FRMD8: variants seen among roughly 807,000 people sequenced by gnomAD.
FRMD8 encodes FERM domain-containing protein 8.
In FRMD8, 37 loss-of-function variants were observed where a neutral mutation model predicts 54.2. The observed-to-expected ratio is 0.68, with a 90% confidence interval of 0.53 to 0.90. The LOEUF is 0.90. Among genes scored for constraint, FRMD8 ranks in the 40% least tolerant of loss-of-function variants. The pLI is 0.00. For missense variants in FRMD8, 585 were observed against 653.7 expected (o/e 0.89, Z 1.15); for synonymous variants, 246 against 286.9 (o/e 0.86, Z 1.44).
chr11:65,411,119 G>A, intron 10 of FRMD8, 123 bp from the exon 11 acceptor site: 1 of 707,750 alleles, frequency 1.4e-6, no homozygotes, highest in Non-Finnish European at 2.3e-6. Context: ...GATGAGGGGA[G>A]CTCAGTCTGA....
At position 65,405,043 on chromosome 11, in the gene FRMD8, C is replaced by G; in HGVS notation, c.1251C>G (p.Leu417=). The change falls in exon 10 of 11, where the codon CTC becomes CTG. Residue 417 remains leucine, a synonymous_variant. Coordinates refer to ENST00000317568, the MANE Select transcript of FRMD8 (RefSeq NM_031904.5). ...GSVVSSRIQH[L]STIDYVEDGK... is the part of the protein sequence containing the mutation. Reference sequence around the variant, plus strand: ...TGGTGTCCAGCCGGATCCAGCATCTCTCCACCATCGACTACGTGGAGGACG... The same window carrying G: ...TGGTGTCCAGCCGGATCCAGCATCTGTCCACCATCGACTACGTGGAGGACG... 6.2e-7 allele frequency: 1 copy of G among 1,613,562 alleles called. No homozygotes were observed. Among genetic ancestry groups the G allele is most frequent in the South Asian group, 1.1e-5 (1 of 91,092 alleles).
At chr11:65,407,296 G>C (rs1856222756) in intron 10 of FRMD8, among the ~76,000 whole-genome samples, 1 of 151,618 alleles carries the variant, frequency 6.6e-6, no homozygotes, top group Non-Finnish European at 1.5e-5. Flanking sequence ...CTGTCACCCA[G>C]GCTGGAGTGC....
upstream of FRMD8, chr11:65,382,535 C>G (rs189074469): frequency 1.9e-5 from 3 of 155,158 alleles, no homozygotes; most frequent in Admixed American, 1.9e-4. This position sits in a 1 kb window ranked among gnomAD's most constrained non-coding sequence, Gnocchi z 4.4. Context: ...CCGACTCCCC[C>G]GTGTGAGTCA....
At chr11:65,389,955 A>T (rs1280316052) in intron 3 of FRMD8, among the ~76,000 whole-genome samples, 2 of 152,200 alleles carry the variant, frequency 1.3e-5, no homozygotes, top group African/African-American at 4.8e-5. Context: ...TGGCGAGACC[A>T]CTGTGTGGCA....
chr11:65,371,233 C>T, the FRMD8 span, among the ~76,000 whole-genome samples: 1 of 152,046 alleles, frequency 6.6e-6, no homozygotes, highest in South Asian at 2.1e-4. Context: ...GTGTCATTTC[C>T]CCCTTTCCCT....
intron 9 of FRMD8, among the ~76,000 whole-genome samples, chr11:65,403,740 C>G (rs1389090805): frequency 6.6e-6 from 1 of 152,254 alleles, no homozygotes; most frequent in Non-Finnish European, 1.5e-5. Flanking sequence ...CTTTCTGACG[C>G]TGGCTTGCTG....
chr11:65,386,755 C>T lies in FRMD8; in HGVS notation c.-7C>T. ...CTCTCAGGTGGCGGGCTCTGCGACC[C>T]TGCGAGGTGAGAGCACAGCGACGTC... On this transcript the variant is annotated 5_prime_UTR_variant, in exon 1 of 11. Coordinates refer to ENST00000317568, the MANE Select transcript of FRMD8 (RefSeq NM_031904.5). 1 of 461,066 alleles carries T rather than the reference C, an allele frequency of 2.2e-6. No individual in the cohort carries two copies. The highest frequency in any genetic ancestry group is 3.8e-6 in the Non-Finnish European group (1 of 260,312). 28.6% of individuals were successfully genotyped at this position (461,066 alleles called of 1,614,324 possible).
intron 10 of FRMD8, among the ~76,000 whole-genome samples, chr11:65,410,618 G>A (rs1444028902): frequency 3.3e-5 from 5 of 152,024 alleles, no homozygotes; most frequent in African/African-American, 9.7e-5. Context: ...GTGAAACCCC[G>A]TCTCTACTAA....
In FRMD8 at chr11:65,411,781, TG is replaced by T. The variant is rs1448354906; in HGVS notation, c.*423del. 1 of 156,152 alleles carries T rather than the reference TG, an allele frequency of 6.4e-6. No homozygotes were observed. Among genetic ancestry groups the T allele is most frequent in the Non-Finnish European group, 1.4e-5 (1 of 70,848 alleles). The allele number at this position is 156,152 out of a possible 1,614,324, so 9.7% of individuals were successfully genotyped here. On this transcript the variant is annotated 3_prime_UTR_variant, in exon 11 of 11. Transcript: ENST00000317568. ...GACCTGAAGCTCCAGTGTGTGCCTT[TG>T]GCCTCTTCCCTGGACTTGGGTGACC...
the FRMD8 span, among the ~76,000 whole-genome samples, chr11:65,370,099 G>A: frequency 6.6e-6 from 1 of 151,564 alleles, no homozygotes; most frequent in Non-Finnish European, 1.5e-5. Flanking sequence ...GCACACACTT[G>A]TAATCCCAGC....
intron 10 of FRMD8, among the ~76,000 whole-genome samples, chr11:65,405,294 T>A (rs1430196843): frequency 6.6e-6 from 1 of 152,216 alleles, no homozygotes; most frequent in African/African-American, 2.4e-5. Context: ...TTGTCCAGGA[T>A]GTGATCCGGG....
rs918203600 is a variant in FRMD8, at chr11:65,413,235, C to T, written c.*1875C>T. Reference sequence around the variant, plus strand: ...AACTCCTGACCTCATGATCTGCCCGCCTCAACCTCCCAAAGTGCTGGGATT... The same window carrying T: ...AACTCCTGACCTCATGATCTGCCCGTCTCAACCTCCCAAAGTGCTGGGATT... On this transcript the variant is annotated 3_prime_UTR_variant, in exon 11 of 11. Transcript: ENST00000317568. 1.4e-4 allele frequency: 21 copies of T among 152,354 alleles called. No individual in the cohort carries two copies. Among genetic ancestry groups the T allele is most frequent in the African/African-American group, 4.8e-4 (20 of 41,572 alleles). The allele number at this position is 152,354 out of a possible 1,614,324, so 9.4% of individuals were successfully genotyped here. A position where few individuals can be genotyped will look rare whatever the true frequency, so the allele number is the denominator to read the frequency against.
chr11:65,369,787 C>T, the FRMD8 span, among the ~76,000 whole-genome samples: 1 of 151,300 alleles, frequency 6.6e-6, no homozygotes, highest in Non-Finnish European at 1.5e-5. Context: ...AATCCCAGCA[C>T]TTTGGGAGGC....
chr11:65,377,585 C>T, the FRMD8 span: 2 of 183,146 alleles, frequency 1.1e-5, no homozygotes, highest in Admixed American at 6.3e-5. Flanking sequence ...CTCCTGCCTC[C>T]AGAGAGGCAA....
In FRMD8 at chr11:65,405,075, A is replaced by G. The variant is rs779036553; in HGVS notation, c.1276+7A>G. The G allele has an allele frequency of 6.2e-7, 1 of 1,613,134 alleles. No individual in the cohort carries two copies. Among genetic ancestry groups the G allele is most frequent in the South Asian group, 1.1e-5 (1 of 91,074 alleles). The stretch of plus-strand genomic sequence containing the variant: ...ATCGACTACGTGGAGGACGGTGAGC[A>G]GCCCTTCTGTGCATGTGCACACACA... On this transcript the variant is annotated splice_region_variant and intron_variant, in intron 10 of 10. Coordinates refer to ENST00000317568, the MANE Select transcript of FRMD8 (RefSeq NM_031904.5).
chr11:65,377,575 C>T, the FRMD8 span: 4 of 201,250 alleles, frequency 2.0e-5, no homozygotes, highest in Non-Finnish European at 2.7e-5. Context: ...AGGCCAGCCC[C>T]TCCTGCCTCC....
chr11:65,400,776 C>G lies in FRMD8; in HGVS notation c.980C>G (p.Pro327Arg). ...GAGCTGTCGTGGGACCACACCTCCCCCGAGGAGGAGGAGCCCATCTTGTGG... is the reference window on the plus strand; with the variant it reads ...GAGCTGTCGTGGGACCACACCTCCCGCGAGGAGGAGGAGCCCATCTTGTGG... ...FQELSWDHTS[P>R]EEEEPILWLE... The change falls in exon 9 of 11, where the codon CCC becomes CGC. Residue 327 changes from proline (P) to arginine (R), a missense_variant. Transcript: ENST00000317568. The surrounding 1 kb of genome is among the most constrained non-coding windows in gnomAD (Gnocchi z 4.3). 1.2e-6 allele frequency: 2 copies of G among 1,611,906 alleles called. No individual in the cohort carries two copies. The highest frequency in any genetic ancestry group is 2.2e-5 in the East Asian group (1 of 44,830).
intron 6 of FRMD8, among the ~76,000 whole-genome samples, chr11:65,395,722 C>A (rs180824142): frequency 6.6e-6 from 1 of 152,094 alleles, no homozygotes; most frequent in African/African-American, 2.4e-5. Context: ...TGTAGGTTGG[C>A]GTTTTCACGT....
the FRMD8 span, chr11:65,380,448 A>G: frequency 9.0e-7 from 1 of 1,115,108 alleles, no homozygotes. Context: ...CCAGCCAAAG[A>G]CGTACGTGTC....
Sources: gnomAD v4.1 joint callset for allele counts (sites outside exome capture counted in the v4.1 genomes callset) on GRCh38, gnomAD v4.1.1 for gene constraint, Gnocchi (gnomAD v3.1) non-coding constraint, MANE v1.5 for transcripts, NCBI Gene and HGNC (gene_info 2026-07-23, HGNC 2026-07-21) for gene names.